ZNF385D: variants seen among roughly 807,000 people sequenced by gnomAD.
The protein encoded by ZNF385D is zinc finger protein 385D.
In ZNF385D, 15 loss-of-function variants were observed where a neutral mutation model predicts 35.8. That is an observed-to-expected ratio of 0.42 (90% CI 0.28 to 0.64). The LOEUF is 0.64. Among genes scored for constraint, ZNF385D ranks in the 30% least tolerant of loss-of-function variants. The probability of loss-of-function intolerance (pLI) is 0.23; values close to 1 mark genes in which losing one functional copy is unlikely to be tolerated. For missense variants in ZNF385D, 474 were observed against 494.6 expected, an observed-to-expected ratio of 0.96 and a Z score of 0.39; for synonymous variants, 212 against 186.8, an observed-to-expected ratio of 1.13 and a Z score of -1.10.
intron 3 of ZNF385D, among the ~76,000 whole-genome samples, chr3:22,030,963 A>T (rs1308271937): frequency 6.6e-6 from 1 of 152,242 alleles, no homozygotes; most frequent in Non-Finnish European, 1.5e-5. Context: ...CACAGGCCCC[A>T]TGCAATTCTG....
chr3:22,206,516 A>AT (rs768884991), intron 2 of ZNF385D, among the ~76,000 whole-genome samples: 27 of 152,152 alleles, frequency 1.8e-4, no homozygotes, highest in Non-Finnish European at 2.6e-4. Flanking sequence ...AGGATAGACC[A>AT]TATGTTAGGC....
chr3:21,902,596 C>G (rs567000984), intron 3 of ZNF385D, among the ~76,000 whole-genome samples: 1 of 152,082 alleles, frequency 6.6e-6, no homozygotes, highest in African/African-American at 2.4e-5. Flanking sequence ...AGAAATTAAT[C>G]GGTCTTTTTA....
At chr3:21,803,023 G>A (rs1257496803) in intron 3 of ZNF385D, among the ~76,000 whole-genome samples, 1 of 152,086 alleles carries the variant, frequency 6.6e-6, no homozygotes, top group Non-Finnish European at 1.5e-5. Flanking sequence ...GGGAATTTTG[G>A]GATTTTAATT....
chr3:22,200,856 T>C (rs1037785993), intron 2 of ZNF385D, among the ~76,000 whole-genome samples: 3 of 152,162 alleles, frequency 2.0e-5, no homozygotes, highest in African/African-American at 7.2e-5. Flanking sequence ...AAGAGAAATA[T>C]GGCTCTGTTC....
chr3:22,357,700 C>T (rs1696218484), intron 2 of ZNF385D, among the ~76,000 whole-genome samples: 1 of 151,816 alleles, frequency 6.6e-6, no homozygotes, highest in Admixed American at 6.6e-5. Context: ...CACAGGTTAA[C>T]AAAGGCTTCA....
intron 3 of ZNF385D, among the ~76,000 whole-genome samples, chr3:22,146,788 T>C (rs923410977): frequency 1.3e-5 from 2 of 152,148 alleles, no homozygotes; most frequent in Non-Finnish European, 2.9e-5. Flanking sequence ...ACTAGATTGC[T>C]GAGTAGACCA....
At chr3:21,624,649 G>GC (rs2065087772) in intron 2 of ZNF385D, among the ~76,000 whole-genome samples, 1 of 151,958 alleles carries the variant, frequency 6.6e-6, no homozygotes, top group African/African-American at 2.4e-5. Flanking sequence ...TAGAACTTAG[G>GC]AAGGAAACCA....
At chr3:21,718,852 T>C (rs2068427698) in intron 1 of ZNF385D, among the ~76,000 whole-genome samples, 1 of 152,252 alleles carries the variant, frequency 6.6e-6, no homozygotes, top group South Asian at 2.1e-4. Context: ...TAAGGTTTAT[T>C]TGTCTCCAAA....
intron 3 of ZNF385D, among the ~76,000 whole-genome samples, chr3:22,019,584 T>A (rs189107652): frequency 6.6e-4 from 100 of 152,076 alleles, no homozygotes; most frequent in Non-Finnish European, 1.1e-3. Flanking sequence ...AAAAATCCTT[T>A]TATTTGTGTC....
At chr3:22,213,853 C>A (rs1697681850) in intron 2 of ZNF385D, among the ~76,000 whole-genome samples, 1 of 152,012 alleles carries the variant, frequency 6.6e-6, no homozygotes, top group Non-Finnish European at 1.5e-5. Flanking sequence ...ATGTTTACAT[C>A]TTTGTGACAT....
At chr3:22,046,835 T>C (rs1056901220) in intron 3 of ZNF385D, among the ~76,000 whole-genome samples, 2 of 152,158 alleles carry the variant, frequency 1.3e-5, no homozygotes, top group Non-Finnish European at 2.9e-5. Flanking sequence ...TTATTTTATA[T>C]TTGTAAAGTA....
chr3:21,695,552 AG>A (rs2067440528), intron 1 of ZNF385D, among the ~76,000 whole-genome samples: 1 of 152,174 alleles, frequency 6.6e-6, no homozygotes, highest in Non-Finnish European at 1.5e-5. Flanking sequence ...AGCTAATGCC[AG>A]GTCTCTTTCT....
intron 3 of ZNF385D, among the ~76,000 whole-genome samples, chr3:22,015,621 G>A (rs1362982731): frequency 3.3e-5 from 5 of 152,096 alleles, no homozygotes; most frequent in African/African-American, 1.2e-4. Context: ...TCATGTGTGA[G>A]TGAACACAAA....
chr3:22,011,146 CTACAG>C (rs1343952336), intron 3 of ZNF385D, among the ~76,000 whole-genome samples: 1 of 151,956 alleles, frequency 6.6e-6, no homozygotes, highest in African/African-American at 2.4e-5. Context: ...TTGTATATAA[CTACAG>C]TAATTTATGA....
chr3:21,820,501 TAA>T (rs1326715074), intron 3 of ZNF385D, among the ~76,000 whole-genome samples: 1 of 151,764 alleles, frequency 6.6e-6, no homozygotes, highest in Non-Finnish European at 1.5e-5. Flanking sequence ...GCTTGTATTT[TAA>T]AAAACTAAAT....
At chr3:21,679,905 A>AT (rs1038837764) in intron 1 of ZNF385D, among the ~76,000 whole-genome samples, 1 of 152,130 alleles carries the variant, frequency 6.6e-6, no homozygotes, top group Non-Finnish European at 1.5e-5. Flanking sequence ...ATAGAAGTAT[A>AT]TGTCTTTTAA....
intron 3 of ZNF385D, among the ~76,000 whole-genome samples, chr3:21,762,463 G>A (rs1265629491): frequency 1.3e-5 from 2 of 152,070 alleles, no homozygotes; most frequent in Non-Finnish European, 2.9e-5. Flanking sequence ...TTCCTTGAGT[G>A]CCATACTCAT....
intron 3 of ZNF385D, among the ~76,000 whole-genome samples, chr3:21,886,053 A>T (rs935282962): frequency 2.6e-5 from 4 of 152,154 alleles, no homozygotes; most frequent in Admixed American, 6.6e-5. Context: ...ATGTTTGACC[A>T]AATATCTGGG....
intron 2 of ZNF385D, among the ~76,000 whole-genome samples, chr3:21,623,756 C>G (rs2065066532): frequency 6.6e-6 from 1 of 152,098 alleles, no homozygotes; most frequent in African/African-American, 2.4e-5. Context: ...GCAGATACCA[C>G]AGCAGTTTTG....
Sources: allele counts gnomAD v4.1 joint callset (sites outside exome capture counted in the v4.1 genomes callset), GRCh38; gene constraint gnomAD v4.1.1; transcripts MANE v1.5; gene names NCBI Gene and HGNC (gene_info 2026-07-23, HGNC 2026-07-21).